GLYATL2: variants seen among roughly 807,000 people sequenced by gnomAD.
The protein encoded by GLYATL2 is glycine N-acyltransferase-like protein 2.
In GLYATL2, 25 loss-of-function variants were observed where a neutral mutation model predicts 21.4. The ratio of observed to expected loss-of-function variants is 1.17; its 90% CI spans 0.85 to 1.63. GLYATL2 has a LOEUF of 1.63. Ranked by LOEUF, GLYATL2 falls within the 40% of genes most tolerant of loss-of-function variation. The probability of loss-of-function intolerance (pLI) is 0.00; values close to 1 mark genes in which losing one functional copy is unlikely to be tolerated. For synonymous variants in GLYATL2, 114 were observed against 118.2 expected (o/e 0.96, Z 0.23); for missense variants, 361 against 343.3 (o/e 1.05, Z -0.41).
chr11:58,909,488 C>G, the GLYATL2 span, among the ~76,000 whole-genome samples: 2 of 152,150 alleles, frequency 1.3e-5, no homozygotes, highest in Admixed American at 1.3e-4. Flanking sequence ...TATCTCCACA[C>G]TCATCAAGTT....
chr11:58,835,202 C>T (rs756292539), intron 5 of GLYATL2, among the ~76,000 whole-genome samples: 2 of 152,144 alleles, frequency 1.3e-5, no homozygotes, highest in Non-Finnish European at 2.9e-5. Flanking sequence ...TGTATGAAAC[C>T]ATGTGCATTT....
rs1853455038 is a variant in GLYATL2 at position 58,837,343 on chromosome 11, C to T, written c.241G>A (p.Ala81Thr). ...AGGACTTCCTCTAATTTGTCAGGAG[C>T]TTTGGTGAAGATGTGGTAAGTGTTG... ...YTNTYHIFTK[A>T]PDKLEEVLSY... Residue 81 changes from alanine to threonine, a missense_variant, in exon 4 of 6, where the codon GCT becomes ACT. Ala to Thr is a moderately conservative substitution (Grantham distance 58). Coordinates refer to ENST00000287275, the MANE Select transcript of GLYATL2 (RefSeq NM_145016.4). 1 of 1,613,670 alleles carries T rather than the reference C, an allele frequency of 6.2e-7. No homozygotes were observed. Among genetic ancestry groups the T allele is most frequent in the Non-Finnish European group, 8.5e-7 (1 of 1,179,766 alleles).
At chr11:58,905,305 G>C (rs1324263382), upstream of GLYATL2, 2 of 386,516 alleles carry the variant, frequency 5.2e-6, no homozygotes, top group Non-Finnish European at 1.0e-5. Flanking sequence ...CGCGGGTGCA[G>C]CCTGCTCTGC....
At chr11:58,872,296 C>A (rs1250315089) in intron 1 of GLYATL2, among the ~76,000 whole-genome samples, 1 of 152,142 alleles carries the variant, frequency 6.6e-6, no homozygotes, top group Non-Finnish European at 1.5e-5. Flanking sequence ...TAATTAGATC[C>A]CATTTGTCAA....
intron 1 of GLYATL2, among the ~76,000 whole-genome samples, chr11:58,869,340 G>A (rs1019323921): frequency 3.3e-5 from 5 of 152,138 alleles, no homozygotes; most frequent in South Asian, 4.1e-4. Context: ...AAGCAGGGTC[G>A]GGCCAGGTTA....
At chr11:58,858,504 C>G (rs564332687) in intron 1 of GLYATL2, among the ~76,000 whole-genome samples, 1 of 151,464 alleles carries the variant, frequency 6.6e-6, no homozygotes, top group South Asian at 2.1e-4. Flanking sequence ...AAGCCCTTCC[C>G]TTTCCACTTG....
At chr11:58,875,998 C>CT (rs1854224001) in intron 1 of GLYATL2, among the ~76,000 whole-genome samples, 1 of 152,110 alleles carries the variant, frequency 6.6e-6, no homozygotes, top group Admixed American at 6.5e-5. Context: ...TCTTTTTATT[C>CT]TTTTTTCTCT....
In GLYATL2 at chr11:58,895,784, T is replaced by G. The variant is rs868743168; in HGVS notation, n.60+8372A>C. On this transcript the variant is annotated intron_variant and non_coding_transcript_variant, in intron 1 of 4. Transcript: ENST00000533636. ...TAGATAAGCAAGCCAAAAGCTTGCA[T>G]AAGTAAATGCCGGCACCTATGCCAA... is the stretch of plus-strand genomic sequence containing the variant. 2.6e-5 allele frequency among the ~76,000 whole-genome samples: 4 copies of G among 151,604 alleles called. No homozygotes were observed. The South Asian group carries it at 8.3e-4, about 32-fold the overall frequency.
the GLYATL2 span, among the ~76,000 whole-genome samples, chr11:58,909,226 G>A: frequency 6.6e-6 from 1 of 152,206 alleles, no homozygotes; most frequent in Admixed American, 6.5e-5. Flanking sequence ...AGAAGTGGTT[G>A]TCAGGGGCTG....
At chr11:58,846,461 A>G (rs1853646103), upstream of GLYATL2, among the ~76,000 whole-genome samples, 1 of 152,284 alleles carries the variant, frequency 6.6e-6, no homozygotes, top group South Asian at 2.1e-4. Context: ...TGAATCACCA[A>G]TCCCCATCCC....
At chr11:58,905,742 GAGGGTGGGCGGGT>G, upstream of GLYATL2, 1 of 369,432 alleles carries the variant, frequency 2.7e-6, no homozygotes, top group Non-Finnish European at 5.4e-6. Context: ...GACAAATAGG[GAGGGTGGGCGGGT>G]GGGCGCGCAG....
rs747974140 is a variant in GLYATL2, at chr11:58,837,314, T to C, written c.270A>G (p.Ser90=). The change falls in exon 4 of 6, where the codon TCA becomes TCG. Residue 90 remains serine (S), a synonymous_variant. Transcript: ENST00000287275. ...GCTCCCAGCTGATTACATTGGAGTA[T>C]GACAGGACTTCCTCTAATTTGTCAG... ...KAPDKLEEVL[S]YSNVISWEQT... The C allele has an allele frequency of 8.7e-6, 14 of 1,613,876 alleles. No individual in the cohort carries two copies. Among genetic ancestry groups the C allele is most frequent in the East Asian group, 2.2e-5 (1 of 44,884 alleles).
chr11:58,855,340 A>T (rs1853810275), intron 1 of GLYATL2, among the ~76,000 whole-genome samples: 1 of 152,206 alleles, frequency 6.6e-6, no homozygotes, highest in African/African-American at 2.4e-5. Context: ...TCTCCATCAG[A>T]GCTCTTGAAT....
intron 1 of GLYATL2, among the ~76,000 whole-genome samples, chr11:58,862,444 A>G (rs1404615426): frequency 1.3e-5 from 2 of 152,172 alleles, no homozygotes; most frequent in Non-Finnish European, 2.9e-5. Context: ...TGATATGTAC[A>G]TTGGATCTCT....
At chr11:58,900,894 C>A (rs1384703151) in intron 1 of GLYATL2, among the ~76,000 whole-genome samples, 1 of 55,502 alleles carries the variant, frequency 1.8e-5, no homozygotes, top group African/African-American at 4.1e-5. Flanking sequence ...CGGAAGCTAC[C>A]ATTGGCCTTA....
upstream of GLYATL2, chr11:58,907,417 T>C (rs1446735047): frequency 2.2e-6 from 1 of 456,102 alleles, no homozygotes; most frequent in Admixed American, 2.3e-5. Flanking sequence ...GTTGTCACCA[T>C]CTTTAATTGC....
chr11:58,853,155 A>G (rs1228640797), intron 1 of GLYATL2, among the ~76,000 whole-genome samples: 5 of 152,214 alleles, frequency 3.3e-5, no homozygotes, highest in African/African-American at 7.2e-5. Context: ...AGTATAGACA[A>G]TTATACTGAC....
chr11:58,850,853 C>G (rs1483932173), intron 1 of GLYATL2, among the ~76,000 whole-genome samples: 1 of 152,154 alleles, frequency 6.6e-6, no homozygotes, highest in Non-Finnish European at 1.5e-5. Context: ...CTAACCATCT[C>G]CCTGTGATGC....
chr11:58,885,253 T>A (rs190204389), intron 1 of GLYATL2, among the ~76,000 whole-genome samples: 85 of 152,304 alleles, frequency 5.6e-4, no homozygotes, highest in African/African-American at 2.0e-3. Context: ...ATCTGTGAGT[T>A]CTGCCTGCTT....
Sources: allele counts gnomAD v4.1 joint callset (sites outside exome capture counted in the v4.1 genomes callset), GRCh38; gene constraint gnomAD v4.1.1; transcripts MANE v1.5; gene names NCBI Gene and HGNC (gene_info 2026-07-23, HGNC 2026-07-21).